ELAC2: variants seen among roughly 807,000 people sequenced by gnomAD.
The protein encoded by ELAC2 is zinc phosphodiesterase ELAC protein 2.
In ELAC2, 92 loss-of-function variants were observed where a neutral mutation model predicts 105.2. That is an observed-to-expected ratio of 0.87 (90% CI 0.74 to 1.04). The LOEUF (loss-of-function observed/expected upper bound fraction) is 1.04. ELAC2 is among the 50% of genes least tolerant of loss of function. The pLI is 0.00. For missense variants in ELAC2, 1,099 were observed against 1,071.7 expected (o/e 1.03, Z -0.36); for synonymous variants, 468 against 409.1 (o/e 1.14, Z -1.74).
At chr17:12,996,715 G>A in intron 16 of ELAC2, 30 bp from the exon 17 acceptor site, 1 of 1,609,152 alleles carries the variant, frequency 6.2e-7, no homozygotes, top group Middle Eastern at 1.7e-4. Context: ...GAGAGTCACT[G>A]CCACTAGGAA....
At chr17:13,007,649 A>G (rs895028196) in intron 8 of ELAC2, among the ~76,000 whole-genome samples, 4 of 152,202 alleles carry the variant, frequency 2.6e-5, no homozygotes, top group Non-Finnish European at 5.9e-5. Context: ...AGGCTGAAGC[A>G]GGAGGATCAT....
Position 12,994,801 on chromosome 17 carries a change from G to A in ELAC2, c.1992C>T (p.Ser664=), listed in dbSNP as rs746289536. 1.9e-5 allele frequency: 31 copies of A among 1,613,856 alleles called. No individual in the cohort carries two copies. Among genetic ancestry groups the A allele is most frequent in the Non-Finnish European group, 2.5e-5 (30 of 1,180,038 alleles). ...GAGCCTCGCAGGGCATGGTGTCCCC[G>A]GAATAGACCACTTTCCAGCCAGAGG... ...VHTSGWKVVY[S]GDTMPCEALV... Residue 664 remains serine, a synonymous_variant, in exon 21 of 24, where the codon TCC becomes TCT. Transcript: ENST00000338034.
chr17:13,013,090 C>T (rs907969628), intron 6 of ELAC2, 117 bp downstream of exon 6: 20 of 1,186,734 alleles, frequency 1.7e-5, no homozygotes, highest in Non-Finnish European at 2.5e-5. Flanking sequence ...ATTTTCTAAT[C>T]ATGCTCAGAA....
chr17:13,015,747 G>C, intron 4 of ELAC2, 21 bp downstream of exon 4: 2 of 1,603,520 alleles, frequency 1.2e-6, no homozygotes, highest in Non-Finnish European at 1.7e-6. Context: ...GCTTTTGAAA[G>C]ATGTGTCAGG....
chr17:13,013,509 T>A (rs1263920541), intron 5 of ELAC2, among the ~76,000 whole-genome samples: 1 of 150,988 alleles, frequency 6.6e-6, no homozygotes, highest in Non-Finnish European at 1.5e-5. Flanking sequence ...TAATCTTTGG[T>A]GACTATCCGT....
chr17:13,009,990 CAA>C (rs1157775345), intron 8 of ELAC2, among the ~76,000 whole-genome samples: 12 of 76,178 alleles, frequency 1.6e-4, no homozygotes, highest in South Asian at 4.5e-4. Context: ...GACATGGTCT[CAA>C]AAAAAAAAAA....
intron 5 of ELAC2, among the ~76,000 whole-genome samples, chr17:13,013,715 T>A (rs1397552124): frequency 6.6e-6 from 1 of 152,180 alleles, no homozygotes; most frequent in Non-Finnish European, 1.5e-5. Flanking sequence ...AGAGCCCTAC[T>A]AGCATCCTCA....
At chr17:13,012,284 C>T (rs749098617) in intron 6 of ELAC2, among the ~76,000 whole-genome samples, 7 of 152,210 alleles carry the variant, frequency 4.6e-5, no homozygotes, top group Admixed American at 6.5e-5. Context: ...ACATCGATCA[C>T]GCAAATCACA....
At chr17:12,996,165 A>C in intron 17 of ELAC2, 187 bp from the exon 18 acceptor site, 2 of 730,178 alleles carry the variant, frequency 2.7e-6, no homozygotes, top group Non-Finnish European at 4.7e-6. Flanking sequence ...CACAGGCAGA[A>C]AGCGACACGA....
Position 13,016,847 on chromosome 17 carries a change from A to T in ELAC2, c.367+15T>A. 1.2e-6 allele frequency: 2 copies of T among 1,614,004 alleles called. No individual in the cohort carries two copies. The highest frequency in any genetic ancestry group is 2.2e-5 in the East Asian group (1 of 44,884). ...ACTTCCCACCAGCCTCTGACACTGC[A>T]AAGAATATACTCACCACTTAAGCCC... is the stretch of plus-strand genomic sequence containing the variant. On this transcript the variant is annotated intron_variant, in intron 3 of 23. Coordinates refer to ENST00000338034, the MANE Select transcript of ELAC2 (RefSeq NM_018127.7).
rs1422547670 is a variant in ELAC2 at position 12,995,782 on chromosome 17, G to T, written c.1729C>A (p.Leu577Met). 6.2e-7 allele frequency: 1 copy of T among 1,612,744 alleles called. No individual in the cohort carries two copies. Among genetic ancestry groups the T allele is most frequent in the Admixed American group, 1.7e-5 (1 of 59,874 alleles). Residue 577 changes from leucine to methionine, a missense_variant, in exon 19 of 24, where the codon CTG (leucine) becomes ATG (methionine). Transcript: ENST00000338034. ...ASLGKPLHPL[L>M]VVAPNQLKAW... ...TTGAGCTGGTTGGGGGCAACCACCA[G>T]CAAAGGGTGAAGCGGCTTTCCCAAA...
rs147376277 is a variant in ELAC2 at position 12,996,644 on chromosome 17, A to G, written c.1562T>C (p.Phe521Ser). Residue 521 changes from phenylalanine to serine, a missense_variant, in exon 17 of 24, where the codon TTT becomes TCT. Physicochemically the swap from Phe to Ser is radical, Grantham distance 155. Transcript: ENST00000338034. ...SLLLDCGEGT[F>S]GQLCRHYGDQ... ...TCCGTAATGACGGCACAGCTGCCCA[A>G]ATGTGCCCTCACCACAGTCCAGTAG... The G allele has an allele frequency of 3.1e-6, 5 of 1,613,972 alleles. No individual in the cohort carries two copies. Among genetic ancestry groups the G allele is most frequent in the Non-Finnish European group, 4.2e-6 (5 of 1,180,012 alleles).
intron 4 of ELAC2, among the ~76,000 whole-genome samples, chr17:13,015,468 T>C (rs1324669749): frequency 6.6e-6 from 1 of 152,198 alleles, no homozygotes; most frequent in Non-Finnish European, 1.5e-5. Flanking sequence ...GTGCCAAACA[T>C]ATATCTAATA....
At chr17:13,007,347 G>A (rs2041166920) in intron 8 of ELAC2, among the ~76,000 whole-genome samples, 1 of 152,066 alleles carries the variant, frequency 6.6e-6, no homozygotes, top group Admixed American at 6.6e-5. Flanking sequence ...AAGTTAAAGA[G>A]TTACTCGTAG....
rs1240011554 is a variant in ELAC2, at chr17:13,017,807, T to C, written c.141A>G (p.Gly47=). ...LRHLRTREKR[G]PSGCSGGPNT... is the part of the protein sequence containing the mutation. ...TTGGGCCGCCGGAGCACCCCGACGG[T>C]CCGCGCTTCTCTCGCGTGCGCAGGT... Residue 47 remains glycine, a synonymous_variant, in exon 1 of 24, where the codon GGA becomes GGG. Transcript: ENST00000338034. 6.2e-7 allele frequency: 1 copy of C among 1,603,324 alleles called. No homozygotes were observed. Among genetic ancestry groups the C allele is most frequent in the East Asian group, 2.2e-5 (1 of 44,476 alleles).
In ELAC2 at chr17:13,017,084, TGA is replaced by T; in HGVS notation, c.281_282del (p.Leu94HisfsTer23). The T allele has an allele frequency of 6.2e-7, 1 of 1,614,120 alleles. No individual in the cohort carries two copies. The highest frequency in any genetic ancestry group is 8.5e-7 in the Non-Finnish European group (1 of 1,180,014). On this transcript the variant is annotated frameshift_variant, in exon 2 of 24. Transcript: ENST00000338034. LOFTEE classifies it high-confidence loss of function. The part of the protein sequence containing the change: ...LFNCGEGVQR[L>X]MQEHKLKVAR... ...AGACTGACTCACTTGTGCTCCTGCATGAGTCTCTGAACGCCTTCTCCACAGTT... is the reference window on the plus strand; with the variant it reads ...AGACTGACTCACTTGTGCTCCTGCATGTCTCTGAACGCCTTCTCCACAGTT...
intron 8 of ELAC2, chr17:13,006,304 T>C (rs57227992): frequency 0.28 from 100,381 of 358,086 alleles, 14,809 homozygotes; most frequent in Middle Eastern, 0.34. Flanking sequence ...CAGAGGCGGA[T>C]GTTGCAGTGA....
Position 12,992,854 on chromosome 17 carries a change from T to C in ELAC2, c.2445A>G (p.Thr815=), listed in dbSNP as rs1183088844. ...TGACCTTCTTGGCCTGTGGCTCCTC[T>C]GTGTGGGCCCGCTTCTGCTGAGGCT... is the stretch of plus-strand genomic sequence containing the variant. ...DGEPQQKRAH[T]EEPQAKKVRA... The change falls in exon 24 of 24, where the codon ACA becomes ACG. Residue 815 remains threonine (T), a synonymous_variant. Coordinates refer to ENST00000338034, the MANE Select transcript of ELAC2 (RefSeq NM_018127.7). The C allele has an allele frequency of 6.2e-7, 1 of 1,608,906 alleles. No individual in the cohort carries two copies. Among genetic ancestry groups the C allele is most frequent in the Non-Finnish European group, 8.5e-7 (1 of 1,176,186 alleles).
chr17:13,013,961 G>A (rs908192107), intron 5 of ELAC2, among the ~76,000 whole-genome samples: 4 of 152,072 alleles, frequency 2.6e-5, no homozygotes, highest in Non-Finnish European at 4.4e-5. Context: ...CACTCCTGCC[G>A]ACCTGGCCCC....
Sources: gnomAD v4.1 joint callset for allele counts (sites outside exome capture counted in the v4.1 genomes callset) on GRCh38, gnomAD v4.1.1 for gene constraint, MANE v1.5 for transcripts, NCBI Gene and HGNC (gene_info 2026-07-23, HGNC 2026-07-21) for gene names.